Variants in HRH1 observed in about 807,000 individuals in gnomAD.
The protein encoded by HRH1 is histamine receptor H1.
In HRH1, 6 loss-of-function variants were observed where a neutral mutation model predicts 10.3. The ratio of observed to expected loss-of-function variants is 0.58; its 90% CI spans 0.32 to 1.15. HRH1 has a LOEUF of 1.15. Among genes scored for constraint, HRH1 ranks in the 50% most tolerant of loss-of-function variants. HRH1 has a pLI of 0.05. For missense variants in HRH1, 514 were observed against 615.3 expected, an observed-to-expected ratio of 0.84 and a Z score of 1.74; for synonymous variants, 242 against 236.7, an observed-to-expected ratio of 1.02 and a Z score of -0.21.
intron 1 of HRH1, among the ~76,000 whole-genome samples, chr3:11,174,347 C>T (rs1937210030): frequency 1.3e-5 from 2 of 152,062 alleles, no homozygotes; most frequent in South Asian, 4.1e-4. Context: ...AGGAGATAGC[C>T]CTGGGTCTTC....
chr3:11,143,251 G>A (rs1250559103), intron 1 of HRH1, among the ~76,000 whole-genome samples: 1 of 152,204 alleles, frequency 6.6e-6, no homozygotes, highest in East Asian at 1.9e-4. Context: ...AGAGTGATCT[G>A]ATGTGTGTCC....
At chr3:11,228,082 A>G (rs990194039) in intron 1 of HRH1, among the ~76,000 whole-genome samples, 3 of 152,232 alleles carry the variant, frequency 2.0e-5, no homozygotes, top group Admixed American at 2.0e-4. Flanking sequence ...GAATGTGGTC[A>G]TGTTGGGTCA....
In HRH1 at chr3:11,244,053, C is replaced by G. The variant is rs531938062; in HGVS notation, c.-35-14950C>G. Reference sequence around the variant, plus strand: ...GGCTTCCATGAAATAGACGTGAGGTCCAGAGGTGGGCAGTCCTCGCTGATA... The same window carrying G: ...GGCTTCCATGAAATAGACGTGAGGTGCAGAGGTGGGCAGTCCTCGCTGATA... On this transcript the variant is annotated intron_variant, in intron 1 of 1. Transcript: ENST00000431010. Among the ~76,000 whole-genome samples the G allele has an allele frequency of 1.1e-4, 17 of 152,240 alleles. No homozygotes were observed. In the South Asian group the frequency reaches 3.3e-3, roughly 30 times the overall value.
intron 1 of HRH1, among the ~76,000 whole-genome samples, chr3:11,245,022 G>A (rs1259256314): frequency 6.6e-6 from 1 of 152,178 alleles, no homozygotes; most frequent in Non-Finnish European, 1.5e-5. Flanking sequence ...GAAGAGTCAT[G>A]CAGCCCAAAT....
intron 1 of HRH1, among the ~76,000 whole-genome samples, chr3:11,195,045 TC>T (rs1455436657): frequency 6.6e-6 from 1 of 152,162 alleles, no homozygotes; most frequent in Non-Finnish European, 1.5e-5. Flanking sequence ...CCCAGAGACA[TC>T]CTGGAAAGAG....
chr3:11,258,935 C>T, intron 1 of HRH1, 68 bp from the exon 2 acceptor site: 2 of 1,122,896 alleles, frequency 1.8e-6, no homozygotes, highest in Non-Finnish European at 2.5e-6. Flanking sequence ...GTCTGATGAA[C>T]ATCATGCTAC....
intron 1 of HRH1, among the ~76,000 whole-genome samples, chr3:11,248,007 A>T (rs1327295502): frequency 6.6e-6 from 1 of 152,192 alleles, no homozygotes; most frequent in Non-Finnish European, 1.5e-5. Flanking sequence ...TAAAGGGGTC[A>T]TCTATTCTAG....
At position 11,258,147 on chromosome 3, in the gene HRH1, T is replaced by G. The variant is rs146381575; in HGVS notation, c.-35-856T>G. The stretch of plus-strand genomic sequence containing the variant: ...AGATATGCTAGATTTATTTCATGCT[T>G]TATGTGCCTCTGGTGTGTCCCCTTA... On this transcript the variant is annotated intron_variant, in intron 1 of 1. Coordinates refer to ENST00000431010, the MANE Select transcript of HRH1 (RefSeq NM_001098212.2). 4.7e-3 allele frequency among the ~76,000 whole-genome samples: 719 copies of G among 152,026 alleles called. 7 individuals are homozygous for G. Among genetic ancestry groups the G allele is most frequent in the African/African-American group, 0.016 (684 of 41,466 alleles).
chr3:11,221,554 CA>C lies in HRH1; in HGVS notation c.-35-37436del, dbSNP rs570590181. ...TGGGCAACGGAGCGAGACTCCATCT[CA>C]AAAAAAAAAAAATGTATATATATAT... On this transcript the variant is annotated intron_variant, in intron 1 of 1. Coordinates refer to ENST00000431010, the MANE Select transcript of HRH1 (RefSeq NM_001098212.2). 7.7e-3 allele frequency among the ~76,000 whole-genome samples: 998 copies of C among 129,530 alleles called. 9 individuals carry two copies. Among genetic ancestry groups the C allele is most frequent in the African/African-American group, 0.023 (771 of 34,260 alleles). The allele number at this position is 129,530 out of a possible 152,430, so 85.0% of individuals were successfully genotyped here. A position where few individuals can be genotyped will look rare whatever the true frequency, so the allele number is the denominator to read the frequency against.
rs534603864 is a variant in HRH1, at chr3:11,230,224, C to T, written c.-35-28779C>T. 2.0e-5 allele frequency among the ~76,000 whole-genome samples: 3 copies of T among 152,310 alleles called. No homozygotes were observed. The South Asian group carries it at 6.2e-4, about 32-fold the overall frequency. ...AGAGACCAAGTCCCAGGGCCTGACT[C>T]CAGGTCTAAGGTAGTGAAAGTACTG... On this transcript the variant is annotated intron_variant, in intron 1 of 1. Coordinates refer to ENST00000431010, the MANE Select transcript of HRH1 (RefSeq NM_001098212.2).
At chr3:11,152,037 A>G (rs2125002179), upstream of HRH1, among the ~76,000 whole-genome samples, 1 of 152,156 alleles carries the variant, frequency 6.6e-6, no homozygotes, top group East Asian at 1.9e-4. Flanking sequence ...CTGTGGGTCC[A>G]GACTGCTCCA....
intron 1 of HRH1, among the ~76,000 whole-genome samples, chr3:11,250,294 C>T (rs1426946591): frequency 2.7e-5 from 4 of 149,566 alleles, no homozygotes; most frequent in African/African-American, 9.9e-5. Flanking sequence ...CTCCTGACCT[C>T]GTGATCCGTC....
intron 1 of HRH1, among the ~76,000 whole-genome samples, chr3:11,211,766 A>C (rs1331094630): frequency 1.3e-5 from 2 of 152,218 alleles, no homozygotes; most frequent in Non-Finnish European, 2.9e-5. Context: ...AGGAGCTAAA[A>C]TGTGCCTCCC....
chr3:11,248,573 C>T (rs545279113), intron 1 of HRH1, among the ~76,000 whole-genome samples: 14 of 152,280 alleles, frequency 9.2e-5, no homozygotes, highest in African/African-American at 3.4e-4. Flanking sequence ...GCGATAGTCC[C>T]CCACAATATC....
In HRH1 at chr3:11,259,364, G is replaced by A. The variant is rs1939873748; in HGVS notation, c.327G>A (p.Val109=). 6.2e-7 allele frequency: 1 copy of A among 1,613,692 alleles called. No homozygotes were observed. The highest frequency in any genetic ancestry group is 8.5e-7 in the Non-Finnish European group (1 of 1,179,960). ...LCLFWLSMDY[V]ASTASIFSVF... ...TCTTTTGGCTTTCCATGGACTATGT[G>A]GCCAGCACAGCGTCCATTTTCAGTG... The change falls in exon 2 of 2, where the codon GTG becomes GTA. Residue 109 remains valine, a synonymous_variant. Coordinates refer to ENST00000431010, the MANE Select transcript of HRH1 (RefSeq NM_001098212.2). The surrounding 1 kb of genome is among the most constrained non-coding windows in gnomAD (Gnocchi z 4.6).
chr3:11,149,685 A>G (rs138171882), upstream of HRH1, among the ~76,000 whole-genome samples: 333 of 152,382 alleles, frequency 2.2e-3, 2 homozygotes, highest in African/African-American at 7.7e-3. Context: ...AGAGAAGCTG[A>G]GCAGAACTTT....
At chr3:11,211,038 T>G (rs915135714) in intron 1 of HRH1, among the ~76,000 whole-genome samples, 2 of 152,206 alleles carry the variant, frequency 1.3e-5, no homozygotes, top group African/African-American at 4.8e-5. Context: ...CTTAAAGAAC[T>G]TACCTTCTAG....
intron 1 of HRH1, among the ~76,000 whole-genome samples, chr3:11,137,874 G>T (rs1469883195): frequency 6.6e-6 from 1 of 152,038 alleles, no homozygotes; most frequent in Non-Finnish European, 1.5e-5. Context: ...AGTATCTGGT[G>T]CTCTGGCTGA....
At chr3:11,161,547 T>C (rs1936922191) in intron 1 of HRH1, among the ~76,000 whole-genome samples, 1 of 152,190 alleles carries the variant, frequency 6.6e-6, no homozygotes, top group Admixed American at 6.5e-5. Context: ...TCCTCTGTCC[T>C]TGGTGTCTGA....
Sources: allele counts gnomAD v4.1 joint callset (sites outside exome capture counted in the v4.1 genomes callset), GRCh38; gene constraint gnomAD v4.1.1; non-coding constraint Gnocchi (gnomAD v3.1); transcripts MANE v1.5; gene names NCBI Gene and HGNC (gene_info 2026-07-23, HGNC 2026-07-21).